Variants in PCDH10 observed in about 807,000 individuals in gnomAD.
PCDH10 encodes protocadherin-10.
Under a neutral mutation model 74.4 loss-of-function variants are expected in PCDH10, and 15 were observed. That is an observed-to-expected ratio of 0.20 (90% CI 0.13 to 0.31). PCDH10 has a LOEUF of 0.31. Among genes scored for constraint, PCDH10 ranks in the 10% least tolerant of loss-of-function variants. PCDH10 has a pLI of 1.00. For missense variants in PCDH10, 1,260 were observed against 1,390.2 expected, an observed-to-expected ratio of 0.91 and a Z score of 1.49; for synonymous variants, 619 against 589.8, an observed-to-expected ratio of 1.05 and a Z score of -0.72.
rs1276190944 is a variant in PCDH10 at position 133,149,530 on chromosome 4, A to G, written c.-611A>G. On this transcript the variant is annotated 5_prime_UTR_variant, in exon 1 of 5. Transcript: ENST00000264360. ...AGAGGAAAAAAATGTCAAGAAGAACATCCATCCGGAGAAATGAAGAGAATG... is the reference window on the plus strand; with the variant it reads ...AGAGGAAAAAAATGTCAAGAAGAACGTCCATCCGGAGAAATGAAGAGAATG... 6.6e-6 allele frequency: 1 copy of G among 152,386 alleles called. No individual in the cohort carries two copies. The allele number at this position is 152,386 out of a possible 1,614,324, so 9.4% of individuals were successfully genotyped here.
intron 4 of PCDH10, among the ~76,000 whole-genome samples, chr4:133,167,408 A>G (rs1192362621): frequency 6.6e-6 from 1 of 151,568 alleles, no homozygotes; most frequent in Non-Finnish European, 1.5e-5. Context: ...AAATAAAATG[A>G]CTTTTCTTAT....
downstream of PCDH10, among the ~76,000 whole-genome samples, chr4:133,196,654 G>C (rs918909652): frequency 1.3e-5 from 2 of 152,164 alleles, no homozygotes; most frequent in African/African-American, 4.8e-5. Context: ...AAAGTGGTTT[G>C]TTTTGGGAAA....
chr4:133,174,458 G>T (rs1486002129), intron 4 of PCDH10, among the ~76,000 whole-genome samples: 2 of 151,796 alleles, frequency 1.3e-5, no homozygotes, highest in East Asian at 1.9e-4. Context: ...AATAACAGAA[G>T]TAACTACCTA....
intron 2 of PCDH10, among the ~76,000 whole-genome samples, chr4:133,201,710 G>A (rs1282536563): frequency 6.6e-6 from 1 of 151,976 alleles, no homozygotes; most frequent in Non-Finnish European, 1.5e-5. Flanking sequence ...TACAAAATTA[G>A]CCGGGCATGG....
chr4:133,154,486 C>T, intron 2 of PCDH10, 121 bp downstream of exon 2: 2 of 594,768 alleles, frequency 3.4e-6, no homozygotes, highest in Non-Finnish European at 5.9e-6. Flanking sequence ...TAAGGCAGGA[C>T]ATAAATATGA....
intron 4 of PCDH10, among the ~76,000 whole-genome samples, chr4:133,176,983 A>T (rs1295933940): frequency 4.6e-5 from 7 of 152,222 alleles, no homozygotes; most frequent in Non-Finnish European, 1.0e-4. Context: ...GCAAAAAAAA[A>T]TTAAAATAAT....
chr4:133,157,410 C>G (rs1726890014), intron 3 of PCDH10, among the ~76,000 whole-genome samples: 1 of 152,196 alleles, frequency 6.6e-6, no homozygotes, highest in South Asian at 2.1e-4. Flanking sequence ...AATTTAAGCC[C>G]ATTTCAGATA....
chr4:133,186,055 TTAAG>T (rs886823709), intron 4 of PCDH10, among the ~76,000 whole-genome samples: 3 of 152,086 alleles, frequency 2.0e-5, no homozygotes, highest in African/African-American at 7.2e-5. Context: ...TTTAATTTGT[TTAAG>T]TATTTAATTT....
downstream of PCDH10, among the ~76,000 whole-genome samples, chr4:133,199,164 T>C (rs1191225559): frequency 6.6e-6 from 1 of 151,592 alleles, no homozygotes; most frequent in African/African-American, 2.4e-5. Flanking sequence ...GGCCCGCACC[T>C]GTAGTCCCAG....
intron 2 of PCDH10, among the ~76,000 whole-genome samples, chr4:133,203,302 T>A (rs1727940753): frequency 6.6e-6 from 1 of 152,196 alleles, no homozygotes; most frequent in Admixed American, 6.5e-5. Flanking sequence ...TCAAGATTCC[T>A]TCCTTCTTTT....
Position 133,151,729 on chromosome 4 carries a change from C to T in PCDH10, c.1589C>T (p.Ser530Phe), listed in dbSNP as rs1213271993. ...SENGYLYALR[S>F]FDYEQLKDFS... ...AACGGCTACTTGTACGCCCTGCGCT[C>T]CTTCGACTATGAGCAGCTGAAGGAC... Residue 530 changes from serine (S) to phenylalanine (F), a missense_variant, in exon 1 of 5, where the codon TCC becomes TTC. Transcript: ENST00000264360. The T allele has an allele frequency of 6.8e-6, 11 of 1,613,196 alleles. No homozygotes were observed. The South Asian group carries it at 1.2e-4, about 18-fold the overall frequency.
At chr4:133,199,597 C>A (rs2125877039), downstream of PCDH10, among the ~76,000 whole-genome samples, 1 of 150,126 alleles carries the variant, frequency 6.7e-6, no homozygotes, top group East Asian at 2.0e-4. Context: ...CCGGAGAGGA[C>A]CATGCTGCCA....
intron 4 of PCDH10, among the ~76,000 whole-genome samples, chr4:133,189,575 AT>A (rs1355794481): frequency 2.0e-5 from 3 of 152,038 alleles, no homozygotes; most frequent in African/African-American, 7.2e-5. Context: ...CTTTAAAAAA[AT>A]GTATGGGCCA....
chr4:133,200,419 A>G (rs1036700239), intron 2 of PCDH10, among the ~76,000 whole-genome samples: 1 of 152,106 alleles, frequency 6.6e-6, no homozygotes. Flanking sequence ...AAAGATAAAG[A>G]AAATGTTAAT....
At chr4:133,180,616 C>A (rs941650544) in intron 4 of PCDH10, among the ~76,000 whole-genome samples, 1 of 151,754 alleles carries the variant, frequency 6.6e-6, no homozygotes, top group Admixed American at 6.6e-5. Context: ...ATTTTCAAAA[C>A]TTTTTAACCA....
rs1231949810 is a variant in PCDH10, at chr4:133,150,070, G to T, written c.-71G>T. 8 of 1,436,048 alleles carry T rather than the reference G, an allele frequency of 5.6e-6. No individual in the cohort carries two copies. The highest frequency in any genetic ancestry group is 1.7e-5 in the South Asian group (1 of 57,220). 89.0% of individuals were successfully genotyped at this position (1,436,048 alleles called of 1,614,324 possible). A position where few individuals can be genotyped will look rare whatever the true frequency, so the allele number is the denominator to read the frequency against. On this transcript the variant is annotated 5_prime_UTR_variant, in exon 1 of 5. Transcript: ENST00000264360. ...TTTGTATTTTTTCAGATTTTTTTTT[G>T]TTTCGTGGTGGTGGGGGAGGTGATT...
In PCDH10 at chr4:133,149,997, A is replaced by AT; in HGVS notation, c.-139dup. 8.2e-7 allele frequency: 1 copy of AT among 1,223,156 alleles called. No individual in the cohort carries two copies. Among genetic ancestry groups the AT allele is most frequent in the Non-Finnish European group, 1.1e-6 (1 of 926,156 alleles). 75.8% of individuals were successfully genotyped at this position (1,223,156 alleles called of 1,614,324 possible). A position where few individuals can be genotyped will look rare whatever the true frequency, so the allele number is the denominator to read the frequency against. The stretch of plus-strand genomic sequence containing the variant: ...TCTAAAATGAAGCAAAAGGAGTAAG[A>AT]TTTTTAAAGACAGAAAGCCACAGGA... On this transcript the variant is annotated 5_prime_UTR_variant, in exon 1 of 5. Coordinates refer to ENST00000264360, the MANE Select transcript of PCDH10 (RefSeq NM_032961.3).
rs529538228 is a variant in PCDH10 at position 133,169,294 on chromosome 4, A to G, written c.3103+6012A>G. Reference sequence around the variant, plus strand: ...TGTAGGATTTATTTATTTGCATTTTAAAATTACATTTTTGAGTTCACAGAT... The same window carrying G: ...TGTAGGATTTATTTATTTGCATTTTGAAATTACATTTTTGAGTTCACAGAT... On this transcript the variant is annotated intron_variant, in intron 4 of 4. Transcript: ENST00000264360. 4.0e-4 allele frequency among the ~76,000 whole-genome samples: 60 copies of G among 151,732 alleles called. 1 individual carries two copies. Among genetic ancestry groups the G allele is most frequent in the African/African-American group, 1.3e-3 (52 of 41,498 alleles).
At chr4:133,159,001 A>T (rs970812147) in intron 3 of PCDH10, among the ~76,000 whole-genome samples, 2 of 152,078 alleles carry the variant, frequency 1.3e-5, no homozygotes, top group East Asian at 3.8e-4. Context: ...CTGCTTCAAA[A>T]CCATGTTTTT....
Sources: allele counts gnomAD v4.1 joint callset (sites outside exome capture counted in the v4.1 genomes callset), GRCh38; gene constraint gnomAD v4.1.1; transcripts MANE v1.5; gene names NCBI Gene and HGNC (gene_info 2026-07-23, HGNC 2026-07-21).